The following TEAD1 variants were observed in gnomAD, a reference collection of about 807,000 sequenced individuals.
TEAD1 encodes the protein transcriptional enhancer factor TEF-1.
TEAD1 carries 9 observed loss-of-function variants against 54.9 expected under a neutral mutation model. The ratio of observed to expected loss-of-function variants is 0.16; its 90% confidence interval spans 0.10 to 0.29. TEAD1 has a LOEUF of 0.29. Ranked by LOEUF, TEAD1 falls within the 10% of genes least tolerant of loss-of-function variation. TEAD1 has a pLI of 1.00. For missense variants in TEAD1, 387 were observed against 535.9 expected (o/e 0.72, Z 2.74); for synonymous variants, 200 against 187.8 (o/e 1.07, Z -0.53).
chr11:12,792,993 A>G (rs976493812), intron 3 of TEAD1, among the ~76,000 whole-genome samples: 6 of 151,714 alleles, frequency 4.0e-5, no homozygotes, highest in African/African-American at 1.2e-4. Context: ...TTGGGGCTGT[A>G]GTATGCCATG....
intron 2 of TEAD1, among the ~76,000 whole-genome samples, chr11:12,726,101 A>G (rs1944305312): frequency 1.3e-5 from 2 of 152,210 alleles, no homozygotes; most frequent in African/African-American, 4.8e-5. Context: ...AAAATAGCAG[A>G]TGACACGGCT....
intron 3 of TEAD1, among the ~76,000 whole-genome samples, chr11:12,811,715 G>A (rs11022510): frequency 0.45 from 67,640 of 151,754 alleles, 15,831 homozygotes; most frequent in South Asian, 0.61. Context: ...GAGTAGATCT[G>A]TGGGTTGGAA....
intron 4 of TEAD1, among the ~76,000 whole-genome samples, chr11:12,864,153 C>T (rs941747583): frequency 2.6e-5 from 4 of 151,726 alleles, no homozygotes; most frequent in African/African-American, 4.8e-5. Context: ...ATTATTTTAA[C>T]GTTTGCTACA....
chr11:12,894,222 G>C (rs1207304817), intron 9 of TEAD1, among the ~76,000 whole-genome samples: 1 of 152,148 alleles, frequency 6.6e-6, no homozygotes, highest in African/African-American at 2.4e-5. Context: ...CAAATACTTA[G>C]AATTTTTGGA....
At chr11:12,716,335 C>CG (rs111880932) in intron 2 of TEAD1, among the ~76,000 whole-genome samples, 31 of 151,992 alleles carry the variant, frequency 2.0e-4, no homozygotes, top group East Asian at 3.9e-4. Context: ...TAGGAGTTCA[C>CG]GGGGGGGTTC....
chr11:12,840,259 AAAAGAAAAAAAAAAGACCAGAAACG>A (rs1174783568), intron 3 of TEAD1, among the ~76,000 whole-genome samples: 9 of 21,606 alleles, frequency 4.2e-4, no homozygotes, highest in Non-Finnish European at 1.2e-3. Context: ...AAAAAAAAAA[AAAAGAAAAAAAAAAGACCAGAAACG>A]AAATCGGGCC....
chr11:12,724,388 C>T lies in TEAD1; in HGVS notation c.-54-39791C>T, dbSNP rs955821585. On this transcript the variant is annotated intron_variant, in intron 2 of 12. Coordinates refer to ENST00000527636, the MANE Select transcript of TEAD1 (RefSeq NM_021961.6). ...ACATTTTCCCTTCCCGCACACCTCT[C>T]GGGCTGTTTGAGATGAGGCACAATT... Among the ~76,000 whole-genome samples the T allele has an allele frequency of 1.1e-4, 16 of 152,216 alleles. No homozygotes were observed. The East Asian group carries it at 1.3e-3, about 13-fold the overall frequency.
intron 5 of TEAD1, among the ~76,000 whole-genome samples, chr11:12,871,776 G>A (rs1008564210): frequency 4.6e-5 from 7 of 151,708 alleles, no homozygotes; most frequent in South Asian, 2.1e-4. Flanking sequence ...TGTATGACTC[G>A]GGACAAAACT....
chr11:12,900,253 G>A (rs1385976697), intron 9 of TEAD1, among the ~76,000 whole-genome samples: 1 of 150,544 alleles, frequency 6.6e-6, no homozygotes, highest in East Asian at 1.9e-4. Context: ...TGGTAGAGAT[G>A]TCTCACTGTG....
chr11:12,882,491 A>T (rs906467385), intron 8 of TEAD1, among the ~76,000 whole-genome samples: 1 of 152,174 alleles, frequency 6.6e-6, no homozygotes. Context: ...GGTGTACAGT[A>T]TAAAAGTCAC....
chr11:12,737,992 AGG>A (rs1944571391), intron 2 of TEAD1, among the ~76,000 whole-genome samples: 1 of 152,158 alleles, frequency 6.6e-6, no homozygotes, highest in African/African-American at 2.4e-5. Context: ...GCCAAGCAAA[AGG>A]GGAAACCCCT....
rs116205433 is a variant in TEAD1 at position 12,810,611 on chromosome 11, T to A, written c.202+46177T>A. On this transcript the variant is annotated intron_variant, in intron 3 of 12. Transcript: ENST00000527636. ...GAGATTGCTAGTGACTTGAAGGTTCTGGTCTTTCTGCTATGATTGGGATCT... is the reference window on the plus strand; with the variant it reads ...GAGATTGCTAGTGACTTGAAGGTTCAGGTCTTTCTGCTATGATTGGGATCT... 8.2e-3 allele frequency among the ~76,000 whole-genome samples: 1,246 copies of A among 152,224 alleles called. 15 individuals are homozygous for A. The highest frequency in any genetic ancestry group is 0.028 in the African/African-American group (1,145 of 41,556).
chr11:12,820,858 C>A (rs761765703), intron 3 of TEAD1, among the ~76,000 whole-genome samples: 1 of 152,110 alleles, frequency 6.6e-6, no homozygotes, highest in Non-Finnish European at 1.5e-5. Context: ...TTTAAGATGA[C>A]GAGTAAGTCT....
At chr11:12,843,799 C>T (rs560419096) in intron 3 of TEAD1, among the ~76,000 whole-genome samples, 2 of 152,278 alleles carry the variant, frequency 1.3e-5, no homozygotes, top group African/African-American at 4.8e-5. Flanking sequence ...TCATTTATGG[C>T]GCTGAAAACT....
chr11:12,901,849 G>T, intron 9 of TEAD1, 91 bp from the exon 10 acceptor site: 1 of 1,512,582 alleles, frequency 6.6e-7, no homozygotes, highest in Non-Finnish European at 9.2e-7. Flanking sequence ...CCAGAATTTT[G>T]GTACTACTGC....
At chr11:12,758,365 TGAGCAGCTGGTTATA>T (rs1213167954) in intron 2 of TEAD1, among the ~76,000 whole-genome samples, 2 of 149,016 alleles carry the variant, frequency 1.3e-5, no homozygotes, top group Admixed American at 1.3e-4. Flanking sequence ...CTCAGCCTCC[TGAGCAGCTGGTTATA>T]GGCACCTGTC....
chr11:12,930,279 G>A lies in TEAD1; in HGVS notation c.1120G>A (p.Glu374Lys), dbSNP rs758306291. 1 of 1,614,236 alleles carries A rather than the reference G, an allele frequency of 6.2e-7. No individual in the cohort carries two copies. Among genetic ancestry groups the A allele is most frequent in the Non-Finnish European group, 8.5e-7 (1 of 1,180,042 alleles). The change falls in exon 12 of 13, where the codon GAG (glutamate) becomes AAG (lysine). Residue 374 changes from glutamate to lysine, a missense_variant. By Grantham distance (56) the Glu-to-Lys change is moderately conservative (BLOSUM62 1). Transcript: ENST00000527636. ...CATCCACAAGCTCAAACACTTACCA[G>A]AGAAATATATGATGAACAGTGTTTT...
At chr11:12,768,905 A>G (rs1301211939) in intron 3 of TEAD1, among the ~76,000 whole-genome samples, 3 of 152,184 alleles carry the variant, frequency 2.0e-5, no homozygotes, top group Admixed American at 6.5e-5. Flanking sequence ...ATTCTTGGCT[A>G]CCAAGGTCGA....
At chr11:12,721,157 T>G (rs1318060912) in intron 2 of TEAD1, among the ~76,000 whole-genome samples, 2 of 152,226 alleles carry the variant, frequency 1.3e-5, no homozygotes, top group Non-Finnish European at 2.9e-5. Context: ...GTTACTAGTC[T>G]CCCATGCAGT....
Sources: gnomAD v4.1 joint callset for allele counts (sites outside exome capture counted in the v4.1 genomes callset) on GRCh38, gnomAD v4.1.1 for gene constraint, MANE v1.5 for transcripts, NCBI Gene and HGNC (gene_info 2026-07-23, HGNC 2026-07-21) for gene names.